CNBD1: variants seen among roughly 807,000 people sequenced by gnomAD.
CNBD1 encodes the protein cyclic nucleotide-binding domain-containing protein 1.
A neutral mutation model predicts 54.4 loss-of-function variants in CNBD1; 71 were observed. The ratio of observed to expected loss-of-function variants is 1.30; its 90% CI spans 1.08 to 1.59. CNBD1 has a LOEUF of 1.59. CNBD1 is among the 40% of genes most tolerant of loss of function. The pLI is 0.00. For synonymous variants in CNBD1, 182 were observed against 170.7 expected (o/e 1.07, Z -0.51); for missense variants, 659 against 518.0 (o/e 1.27, Z -2.64).
At chr8:86,902,855 A>C (rs111271114) in intron 2 of CNBD1, among the ~76,000 whole-genome samples, 37 of 152,008 alleles carry the variant, frequency 2.4e-4, no homozygotes, top group African/African-American at 8.0e-4. Context: ...CATGCTAATT[A>C]TTTTATGTTT....
At chr8:87,101,907 G>A (rs76332549) in intron 4 of CNBD1, among the ~76,000 whole-genome samples, 2 of 88,698 alleles carry the variant, frequency 2.3e-5, no homozygotes, top group Admixed American at 2.7e-4. Context: ...TTTTTTTTTT[G>A]AGACAGAGTC....
intron 6 of CNBD1, among the ~76,000 whole-genome samples, chr8:87,263,694 T>C (rs1308793605): frequency 3.9e-5 from 6 of 152,116 alleles, no homozygotes; most frequent in Non-Finnish European, 4.4e-5. Context: ...CAAACAAAAT[T>C]CCTAACCTTT....
At chr8:87,330,696 G>A (rs945769790) in intron 8 of CNBD1, among the ~76,000 whole-genome samples, 9 of 152,062 alleles carry the variant, frequency 5.9e-5, no homozygotes, top group African/African-American at 1.7e-4. Context: ...TTGGTTTTAT[G>A]GGCTGAAATG....
At chr8:86,919,013 T>C (rs926950057) in intron 3 of CNBD1, among the ~76,000 whole-genome samples, 1 of 151,720 alleles carries the variant, frequency 6.6e-6, no homozygotes, top group Admixed American at 6.6e-5. Context: ...TTTCTGAAAA[T>C]ATCATGCTTT....
chr8:87,354,442 C>T (rs1810379181), intron 10 of CNBD1, among the ~76,000 whole-genome samples: 1 of 151,622 alleles, frequency 6.6e-6, no homozygotes, highest in African/African-American at 2.4e-5. Context: ...TTTTAGGGTA[C>T]ATGTGCACAA....
In CNBD1 at chr8:87,286,546, T is replaced by C. The variant is rs373783756; in HGVS notation, c.917T>C (p.Ile306Thr). The C allele has an allele frequency of 4.2e-5, 60 of 1,427,564 alleles. No individual in the cohort carries two copies. Among genetic ancestry groups the C allele is most frequent in the Non-Finnish European group, 5.0e-5 (52 of 1,040,108 alleles). The allele number at this position is 1,427,564 out of a possible 1,614,324, so 88.4% of individuals were successfully genotyped here. Residue 306 changes from isoleucine (I) to threonine (T), a missense_variant, in exon 8 of 11, where the codon ATA becomes ACA. Ile to Thr is a moderately conservative substitution (Grantham distance 89). Transcript: ENST00000518476. ...AATGACATTCTGTTTTAGGAAAAAA[T>C]AAAACTTGAAAATATGCAAAAGTTG... ...KGYAKIKEEKIKLENMQKLKL... is the reference protein window; with the variant it reads ...KGYAKIKEEKTKLENMQKLKL...
chr8:87,364,211 A>G (rs1810588592), intron 10 of CNBD1, among the ~76,000 whole-genome samples: 1 of 151,368 alleles, frequency 6.6e-6, no homozygotes, highest in African/African-American at 2.4e-5. Context: ...TATATCACAT[A>G]TATTTATAAG....
At chr8:87,327,428 TCA>T (rs1376767745) in intron 8 of CNBD1, among the ~76,000 whole-genome samples, 1 of 152,104 alleles carries the variant, frequency 6.6e-6, no homozygotes, top group Non-Finnish European at 1.5e-5. Flanking sequence ...CAGTTTGATC[TCA>T]GACTGCTGTG....
intron 10 of CNBD1, among the ~76,000 whole-genome samples, chr8:87,354,348 C>A (rs1810375700): frequency 6.6e-6 from 1 of 151,760 alleles, no homozygotes; most frequent in Non-Finnish European, 1.5e-5. Context: ...TTGGTGGATC[C>A]CAGGCAGGGA....
intron 6 of CNBD1, among the ~76,000 whole-genome samples, chr8:87,257,549 G>C (rs1045924663): frequency 1.3e-5 from 2 of 151,800 alleles, no homozygotes; most frequent in African/African-American, 4.8e-5. Context: ...ATTCAAATTG[G>C]ATCATTTTAT....
chr8:86,980,611 G>A (rs1329887661), intron 4 of CNBD1, among the ~76,000 whole-genome samples: 7 of 152,016 alleles, frequency 4.6e-5, no homozygotes, highest in Non-Finnish European at 7.4e-5. Context: ...AGAGTCAAAG[G>A]GATTGCTTAC....
rs538421923 is a variant in CNBD1, at chr8:87,254,471, G to T, written c.771+17359G>T. 3.3e-5 allele frequency among the ~76,000 whole-genome samples: 5 copies of T among 152,260 alleles called. 1 individual carries two copies. The South Asian group carries it at 1.0e-3, about 32-fold the overall frequency. Reference sequence around the variant, plus strand: ...ATAGGAAAAGGAATATTATTTCTTTGGATGGCCCAACACATCCAAGTGGTA... The same window carrying T: ...ATAGGAAAAGGAATATTATTTCTTTTGATGGCCCAACACATCCAAGTGGTA... On this transcript the variant is annotated intron_variant, in intron 6 of 10. Transcript: ENST00000518476.
intron 5 of CNBD1, among the ~76,000 whole-genome samples, chr8:87,216,631 G>A (rs768159926): frequency 1.3e-5 from 2 of 152,084 alleles, no homozygotes; most frequent in Non-Finnish European, 2.9e-5. Flanking sequence ...AAAGCTCACT[G>A]TCCCTTTCTT....
chr8:87,348,893 G>C (rs1326783783), intron 8 of CNBD1, among the ~76,000 whole-genome samples: 1 of 152,106 alleles, frequency 6.6e-6, no homozygotes, highest in Non-Finnish European at 1.5e-5. Context: ...AAGGCCTGAT[G>C]TTTAATTTCT....
At chr8:87,134,441 T>C (rs1812184153) in intron 4 of CNBD1, among the ~76,000 whole-genome samples, 1 of 152,064 alleles carries the variant, frequency 6.6e-6, no homozygotes, top group African/African-American at 2.4e-5. Context: ...ATATAACTTT[T>C]ATTGTTAAGT....
chr8:86,984,951 G>A (rs958308687), intron 4 of CNBD1, among the ~76,000 whole-genome samples: 10 of 152,098 alleles, frequency 6.6e-5, no homozygotes, highest in Non-Finnish European at 1.0e-4. Flanking sequence ...TGAGATTTGG[G>A]AGGGGTCGGG....
chr8:87,341,105 T>C (rs1272660039), intron 8 of CNBD1, among the ~76,000 whole-genome samples: 3 of 152,180 alleles, frequency 2.0e-5, no homozygotes, highest in Non-Finnish European at 4.4e-5. Context: ...TTTAGATGTA[T>C]CTTCTTGGAC....
intron 8 of CNBD1, among the ~76,000 whole-genome samples, chr8:87,328,275 A>C (rs936025775): frequency 6.6e-6 from 1 of 152,060 alleles, no homozygotes; most frequent in Non-Finnish European, 1.5e-5. Flanking sequence ...TGTCAAGATC[A>C]GTTGACAACA....
chr8:87,420,633 C>A (rs944125429), intron 2 of CNBD1, among the ~76,000 whole-genome samples: 1 of 152,066 alleles, frequency 6.6e-6, no homozygotes, highest in African/African-American at 2.4e-5. Context: ...ACCTACTTAA[C>A]GACCACTCTC....
Sources: allele counts gnomAD v4.1 joint callset (sites outside exome capture counted in the v4.1 genomes callset), GRCh38; gene constraint gnomAD v4.1.1; transcripts MANE v1.5; gene names NCBI Gene and HGNC (gene_info 2026-07-23, HGNC 2026-07-21).